Variants in STAG1 observed in about 807,000 individuals in gnomAD.
The protein encoded by STAG1 is STAG1 cohesin complex component, also known as cohesin subunit SA-1.
Under a neutral mutation model 170.9 loss-of-function variants are expected in STAG1, and 26 were observed. The observed-to-expected ratio is 0.15, with a 90% CI of 0.11 to 0.21. STAG1 has a LOEUF of 0.21. Ranked by LOEUF, STAG1 falls within the 10% of genes least tolerant of loss-of-function variation. STAG1 has a pLI of 1.00. For synonymous variants in STAG1, 514 were observed against 497.7 expected (o/e 1.03, Z -0.44); for missense variants, 964 against 1,509.5 (o/e 0.64, Z 5.99).
intron 7 of STAG1, among the ~76,000 whole-genome samples, chr3:136,519,737 A>C (rs181160055): frequency 1.7e-4 from 26 of 152,242 alleles, no homozygotes; most frequent in Non-Finnish European, 2.2e-4. Flanking sequence ...TTGAATAATA[A>C]ACAGTATTTT....
intron 6 of STAG1, among the ~76,000 whole-genome samples, chr3:136,524,826 G>C (rs1272937584): frequency 6.6e-6 from 1 of 152,168 alleles, no homozygotes; most frequent in East Asian, 1.9e-4. Context: ...TTTTGTCAAA[G>C]GCCTTTTCAG....
intron 5 of STAG1, among the ~76,000 whole-genome samples, chr3:136,546,838 T>C (rs1452759888): frequency 2.6e-5 from 4 of 152,206 alleles, no homozygotes; most frequent in South Asian, 4.1e-4. Context: ...TATTTGAGAC[T>C]ACTTAAGATT....
At chr3:136,635,425 A>G (rs1940512809) in intron 1 of STAG1, among the ~76,000 whole-genome samples, 1 of 152,234 alleles carries the variant, frequency 6.6e-6, no homozygotes. Flanking sequence ...ACACCCATTC[A>G]TAATAAATAC....
intron 13 of STAG1, among the ~76,000 whole-genome samples, chr3:136,459,059 A>C (rs1328003949): frequency 2.8e-4 from 43 of 152,036 alleles, no homozygotes; most frequent in Admixed American, 2.8e-3. Context: ...CTCTACTAGA[A>C]ACACAAAAAT....
chr3:136,749,343 GC>G (rs1034474992), intron 1 of STAG1, among the ~76,000 whole-genome samples: 1 of 152,124 alleles, frequency 6.6e-6, no homozygotes, highest in African/African-American at 2.4e-5. Flanking sequence ...GAACTATGTG[GC>G]CACACGGCAA....
chr3:136,439,416 A>T (rs2088565851), intron 15 of STAG1, among the ~76,000 whole-genome samples: 1 of 140,198 alleles, frequency 7.1e-6, no homozygotes, highest in South Asian at 2.4e-4. Context: ...ACACACACAC[A>T]CACACACACA....
At chr3:136,601,920 G>A (rs749634404) in intron 4 of STAG1, among the ~76,000 whole-genome samples, 16 of 151,928 alleles carry the variant, frequency 1.1e-4, no homozygotes, top group Non-Finnish European at 1.8e-4. Context: ...AGAATACCAT[G>A]AATTAAAACT....
intron 1 of STAG1, among the ~76,000 whole-genome samples, chr3:136,712,678 G>A (rs946648348): frequency 1.1e-4 from 16 of 152,282 alleles, no homozygotes; most frequent in African/African-American, 3.9e-4. Flanking sequence ...TGGAAGAAAA[G>A]TTCAGTAAAA....
Position 136,744,234 on chromosome 3 carries a change from G to A in STAG1, c.-84+7961C>T, listed in dbSNP as rs181107290. 4.5e-3 allele frequency among the ~76,000 whole-genome samples: 678 copies of A among 152,316 alleles called. 5 individuals carry two copies. The highest frequency in any genetic ancestry group is 4.4e-3 in the Non-Finnish European group (301 of 68,028). On this transcript the variant is annotated intron_variant, in intron 1 of 33. Coordinates refer to ENST00000383202, the MANE Select transcript of STAG1 (RefSeq NM_005862.3). ...TCCAGCTACTCGGGTGGCTGAGGCC[G>A]GAGAATTGCTTGAACTGGGGAAGCA...
At chr3:136,613,675 T>G (rs935463633) in intron 3 of STAG1, among the ~76,000 whole-genome samples, 2 of 152,056 alleles carry the variant, frequency 1.3e-5, no homozygotes, top group Non-Finnish European at 1.5e-5. Context: ...TTAGTAGAGA[T>G]AGGGTTTCAC....
At chr3:136,384,525 T>C (rs1027411553) in intron 22 of STAG1, among the ~76,000 whole-genome samples, 1 of 151,680 alleles carries the variant, frequency 6.6e-6, no homozygotes, top group East Asian at 1.9e-4. Context: ...TCTTAGCACT[T>C]TGGGAGGCCA....
chr3:136,612,668 A>T (rs1033801936), intron 3 of STAG1, among the ~76,000 whole-genome samples: 1 of 152,204 alleles, frequency 6.6e-6, no homozygotes, highest in African/African-American at 2.4e-5. Context: ...TGAACAACAG[A>T]GCAAGACCCT....
intron 13 of STAG1, among the ~76,000 whole-genome samples, chr3:136,456,108 C>T (rs1198997223): frequency 6.6e-6 from 1 of 152,146 alleles, no homozygotes; most frequent in African/African-American, 2.4e-5. Flanking sequence ...CAAGCATCAA[C>T]TTAAGTCAGG....
intron 1 of STAG1, among the ~76,000 whole-genome samples, chr3:136,666,941 G>A (rs1576738590): frequency 6.6e-6 from 1 of 151,922 alleles, no homozygotes; most frequent in Non-Finnish European, 1.5e-5. Context: ...CATCTAGAAA[G>A]AAAACTGAAC....
intron 6 of STAG1, among the ~76,000 whole-genome samples, chr3:136,539,455 C>A (rs187406488): frequency 1.2e-4 from 18 of 152,234 alleles, no homozygotes; most frequent in African/African-American, 4.3e-4. Flanking sequence ...AAAGAACAAG[C>A]AAGAATTAAA....
intron 1 of STAG1, among the ~76,000 whole-genome samples, chr3:136,739,299 T>C (rs765702502): frequency 1.3e-5 from 2 of 151,986 alleles, no homozygotes; most frequent in Non-Finnish European, 2.9e-5. Flanking sequence ...TGGGGGACTG[T>C]TGAGCCCAGG....
chr3:136,664,041 G>T (rs1424931354), intron 1 of STAG1, among the ~76,000 whole-genome samples: 1 of 152,092 alleles, frequency 6.6e-6, no homozygotes, highest in Non-Finnish European at 1.5e-5. Context: ...AGCCAACTAG[G>T]CCTCTCCTCC....
At chr3:136,544,958 G>A (rs534127348) in intron 5 of STAG1, among the ~76,000 whole-genome samples, 300 of 152,114 alleles carry the variant, frequency 2.0e-3, no homozygotes, top group Non-Finnish European at 3.1e-3. Flanking sequence ...GGATTATAGC[G>A]CCTTAATAAA....
intron 1 of STAG1, among the ~76,000 whole-genome samples, chr3:136,724,897 CTG>C (rs1372780232): frequency 2.0e-5 from 3 of 152,094 alleles, no homozygotes; most frequent in African/African-American, 7.2e-5. Context: ...TGAAAAGAGA[CTG>C]TGAATGTCTG....
Sources: allele counts gnomAD v4.1 joint callset (sites outside exome capture counted in the v4.1 genomes callset), GRCh38; gene constraint gnomAD v4.1.1; transcripts MANE v1.5; gene names NCBI Gene and HGNC (gene_info 2026-07-23, HGNC 2026-07-21).